Variants in CSMD1 observed in about 807,000 individuals in gnomAD.
The protein encoded by CSMD1 is CUB and Sushi multiple domains 1.
A neutral mutation model predicts 417.5 loss-of-function variants in CSMD1; 213 were observed. The observed-to-expected ratio is 0.51, with a 90% CI of 0.46 to 0.57. The LOEUF (loss-of-function observed/expected upper bound fraction) is 0.57, where lower values mean the gene tolerates loss of function less well. Ranked by LOEUF, CSMD1 falls within the 20% of genes least tolerant of loss-of-function variation. The pLI, the probability that CSMD1 is intolerant of heterozygous loss-of-function variation, is 0.00. For missense variants in CSMD1, 6,923 were observed against 4,529.7 expected (o/e 1.53, Z -15.17); for synonymous variants, 2,862 against 1,736.8 (o/e 1.65, Z -16.11).
intron 2 of CSMD1, among the ~76,000 whole-genome samples, chr8:4,607,140 GAC>G (rs1800919205): frequency 6.6e-6 from 1 of 152,074 alleles, no homozygotes; most frequent in African/African-American, 2.4e-5. Context: ...ACCTGGGAAA[GAC>G]AGTTAATTTT....
At chr8:3,724,041 C>A (rs186861637) in intron 6 of CSMD1, among the ~76,000 whole-genome samples, 1 of 55,454 alleles carries the variant, frequency 1.8e-5, no homozygotes, top group African/African-American at 3.4e-5. Flanking sequence ...AACTTTCTAT[C>A]TGTGTAAACA....
rs762731393 is a variant in CSMD1, at chr8:2,963,370, C to A, written c.9306G>T (p.Pro3102=). The change falls in exon 60 of 70, where the codon CCG becomes CCT. Residue 3102 remains proline (P), a synonymous_variant. Transcript: ENST00000635120. ...TTCCCTCCACTGTTCCATTCTGCAC[C>A]GGCGGCGGCTGAGGACACAGCACGG... ...CKAVLCPQPP[P]VQNGTVEGSD... 6.2e-7 allele frequency: 1 copy of A among 1,613,896 alleles called. No individual in the cohort carries two copies. The highest frequency in any genetic ancestry group is 8.5e-7 in the Non-Finnish European group (1 of 1,179,820).
intron 3 of CSMD1, among the ~76,000 whole-genome samples, chr8:4,225,444 T>C (rs1191108295): frequency 6.6e-6 from 1 of 152,144 alleles, no homozygotes; most frequent in African/African-American, 2.4e-5. Context: ...TGATGAGTAT[T>C]TGTTTAGAAA....
At chr8:4,171,505 T>C (rs1193464544) in intron 3 of CSMD1, among the ~76,000 whole-genome samples, 1 of 151,916 alleles carries the variant, frequency 6.6e-6, no homozygotes, top group African/African-American at 2.4e-5. Context: ...GATCAATCTT[T>C]GTACTCTACA....
At chr8:3,939,728 G>A (rs1221261634) in intron 5 of CSMD1, among the ~76,000 whole-genome samples, 3 of 152,132 alleles carry the variant, frequency 2.0e-5, no homozygotes, top group Non-Finnish European at 2.9e-5. Context: ...CAACTTGGAT[G>A]AACCTGGAGA....
chr8:4,832,449 G>A (rs1334633742), intron 1 of CSMD1, among the ~76,000 whole-genome samples: 1 of 152,122 alleles, frequency 6.6e-6, no homozygotes, highest in Non-Finnish European at 1.5e-5. Context: ...AGGCGCTGTG[G>A]CCAGGGAAAA....
intron 65 of CSMD1, among the ~76,000 whole-genome samples, chr8:2,952,253 G>C (rs962005832): frequency 6.6e-5 from 10 of 152,152 alleles, no homozygotes; most frequent in African/African-American, 2.4e-4. Flanking sequence ...GAGTTGCTAG[G>C]TGGAAATGAA....
chr8:4,709,162 G>A (rs181556645), intron 1 of CSMD1, among the ~76,000 whole-genome samples: 14 of 152,274 alleles, frequency 9.2e-5, no homozygotes, highest in Admixed American at 5.2e-4. Context: ...ATAGCAATAT[G>A]GTGTTTGATG....
At chr8:4,747,436 T>A (rs1035313650) in intron 1 of CSMD1, among the ~76,000 whole-genome samples, 3 of 152,116 alleles carry the variant, frequency 2.0e-5, no homozygotes, top group African/African-American at 7.2e-5. Flanking sequence ...TAAAAGGTGG[T>A]ACTTATGTCA....
intron 10 of CSMD1, among the ~76,000 whole-genome samples, chr8:3,530,016 G>C (rs903433135): frequency 1.5e-4 from 23 of 152,208 alleles, no homozygotes; most frequent in African/African-American, 4.6e-4. Flanking sequence ...AATTTTATCA[G>C]TGATAGAAGA....
intron 50 of CSMD1, among the ~76,000 whole-genome samples, chr8:3,041,803 T>G (rs201127989): frequency 2.6e-5 from 4 of 152,038 alleles, no homozygotes; most frequent in Non-Finnish European, 5.9e-5. Flanking sequence ...AGCTTCTTTC[T>G]GGCAGCCATC....
At chr8:4,776,865 T>G (rs1026557187) in intron 1 of CSMD1, among the ~76,000 whole-genome samples, 14 of 152,368 alleles carry the variant, frequency 9.2e-5, no homozygotes, top group African/African-American at 3.1e-4. Flanking sequence ...ATTATTTTAC[T>G]GTTTTCTGCT....
chr8:4,663,247 C>A (rs1804714035), intron 1 of CSMD1, among the ~76,000 whole-genome samples: 1 of 152,220 alleles, frequency 6.6e-6, no homozygotes, highest in African/African-American at 2.4e-5. Context: ...GCTGACTTTT[C>A]ATTACCTGTA....
chr8:2,950,518 G>C (rs1002190567), intron 66 of CSMD1, among the ~76,000 whole-genome samples, 175 bp from the exon 67 acceptor site: 3 of 152,098 alleles, frequency 2.0e-5, no homozygotes, highest in Admixed American at 6.6e-5. Flanking sequence ...ATTTTCCCCT[G>C]AAAATCACTT....
At chr8:4,494,850 T>C (rs1370910429) in intron 2 of CSMD1, among the ~76,000 whole-genome samples, 4 of 152,058 alleles carry the variant, frequency 2.6e-5, no homozygotes, top group African/African-American at 9.7e-5. Flanking sequence ...TCAGGGTAGG[T>C]AGCAATTCTA....
chr8:4,746,662 C>A (rs868019179), intron 1 of CSMD1, among the ~76,000 whole-genome samples: 1 of 152,144 alleles, frequency 6.6e-6, no homozygotes, highest in Non-Finnish European at 1.5e-5. Context: ...ACAAACTATG[C>A]AGTTCATTTA....
At chr8:3,657,647 A>T (rs969593703) in intron 7 of CSMD1, among the ~76,000 whole-genome samples, 6 of 152,180 alleles carry the variant, frequency 3.9e-5, no homozygotes, top group African/African-American at 1.4e-4. Context: ...TTGAACAATG[A>T]GAACACATGG....
Position 4,165,491 on chromosome 8 carries a change from G to C in CSMD1, c.416-133392C>G, listed in dbSNP as rs887050772. 6.6e-5 allele frequency among the ~76,000 whole-genome samples: 10 copies of C among 152,164 alleles called. No homozygotes were observed. The East Asian group carries it at 9.6e-4, about 15-fold the overall frequency. On this transcript the variant is annotated intron_variant, in intron 3 of 69. Coordinates refer to ENST00000635120, the MANE Select transcript of CSMD1 (RefSeq NM_033225.6). ...CAGTCATTGCTCACTGTAGCCTCAAGTGCCCAAGCTCAAGTCATCCTCCCA... is the reference window on the plus strand; with the variant it reads ...CAGTCATTGCTCACTGTAGCCTCAACTGCCCAAGCTCAAGTCATCCTCCCA...
chr8:4,776,667 G>C (rs1796868854), intron 1 of CSMD1, among the ~76,000 whole-genome samples: 1 of 152,154 alleles, frequency 6.6e-6, no homozygotes, highest in Non-Finnish European at 1.5e-5. Flanking sequence ...CATAAGTCAG[G>C]ATTCTTTACC....
Sources: allele counts gnomAD v4.1 joint callset (sites outside exome capture counted in the v4.1 genomes callset), GRCh38; gene constraint gnomAD v4.1.1; transcripts MANE v1.5; gene names NCBI Gene and HGNC (gene_info 2026-07-23, HGNC 2026-07-21).